Variants in EED observed in about 807,000 individuals in gnomAD.
The protein encoded by EED is polycomb protein EED.
Under a neutral mutation model 61.0 loss-of-function variants are expected in EED, and 9 were observed. The ratio of observed to expected loss-of-function variants is 0.15; its 90% CI spans 0.09 to 0.26. EED has a LOEUF of 0.26. Ranked by LOEUF, EED falls within the 10% of genes least tolerant of loss-of-function variation. EED has a pLI of 1.00. For missense variants in EED, 315 were observed against 542.3 expected (o/e 0.58, Z 4.16); for synonymous variants, 187 against 174.4 (o/e 1.07, Z -0.57).
chr11:86,264,666 GT>G (rs1286456784), intron 7 of EED: 2 of 154,878 alleles, frequency 1.3e-5, no homozygotes, highest in East Asian at 3.7e-4. Flanking sequence ...ATTTGGAAGT[GT>G]TTTATTGTGC....
chr11:86,280,745 C>T (rs889695755), downstream of EED, among the ~76,000 whole-genome samples: 1 of 152,168 alleles, frequency 6.6e-6, no homozygotes, highest in Non-Finnish European at 1.5e-5. Context: ...CTTTGTTCCT[C>T]ATCTTAAAGG....
intron 7 of EED, chr11:86,265,185 C>G (rs148701591): frequency 7.7e-4 from 117 of 152,244 alleles, no homozygotes; most frequent in African/African-American, 2.8e-3. Flanking sequence ...TTAGAAGTAC[C>G]ACAACTGTGA....
At chr11:86,265,041 T>A (rs1043819048) in intron 7 of EED, 1 of 152,224 alleles carries the variant, frequency 6.6e-6, no homozygotes, top group African/African-American at 2.4e-5. Flanking sequence ...TCAACTTGGA[T>A]TTCCTAAAAG....
At chr11:86,280,245 G>A (rs529280308), downstream of EED, among the ~76,000 whole-genome samples, 15 of 152,130 alleles carry the variant, frequency 9.9e-5, no homozygotes, top group South Asian at 2.9e-3. Context: ...TGTGTGCCAC[G>A]ATGCCCAGCT....
rs1045393304 is a variant in EED, at chr11:86,245,110, G to C, written c.-120G>C. ...GGGCGCGATTTGCGACAGTGGGGGG[G>C]GCGGTGGAGGTGGCGGCGGCAGCGG... On this transcript the variant is annotated 5_prime_UTR_variant, in exon 1 of 12. Coordinates refer to ENST00000263360, the MANE Select transcript of EED (RefSeq NM_003797.5). 1.0e-5 allele frequency: 7 copies of C among 694,160 alleles called. No individual in the cohort carries two copies. Among genetic ancestry groups the C allele is most frequent in the East Asian group, 3.2e-5 (1 of 31,660 alleles). 43.0% of individuals were successfully genotyped at this position (694,160 alleles called of 1,614,324 possible). A position where few individuals can be genotyped will look rare whatever the true frequency, so the allele number is the denominator to read the frequency against.
chr11:86,247,000 A>G lies in EED; in HGVS notation c.114+1657A>G, dbSNP rs141605690. Among the ~76,000 whole-genome samples, 349 of 152,358 alleles carry G rather than the reference A, an allele frequency of 2.3e-3. 2 individuals carry two copies. Among genetic ancestry groups the G allele is most frequent in the Non-Finnish European group, 3.7e-3 (250 of 68,032 alleles). On this transcript the variant is annotated intron_variant, in intron 1 of 11. Coordinates refer to ENST00000263360, the MANE Select transcript of EED (RefSeq NM_003797.5). ...TTATTTATTTATAATAATTACTACT[A>G]CTAATTTTATGATTACATAGAATAA...
At chr11:86,282,798 A>G (rs1946338407), downstream of EED, among the ~76,000 whole-genome samples, 1 of 152,176 alleles carries the variant, frequency 6.6e-6, no homozygotes, top group Non-Finnish European at 1.5e-5. Context: ...GCCGTAGACA[A>G]CTGGGTATGG....
At position 86,245,016 on chromosome 11, in the gene EED, G is replaced by GGAGGGCGCGCGCGCGC. The variant is rs1945348710; in HGVS notation, c.-212_-197dup. 1 of 472,126 alleles carries GGAGGGCGCGCGCGCGC rather than the reference G, an allele frequency of 2.1e-6. No homozygotes were observed. The highest frequency in any genetic ancestry group is 3.8e-6 in the Non-Finnish European group (1 of 266,254). The allele number at this position is 472,126 out of a possible 1,614,324, so 29.2% of individuals were successfully genotyped here. ...AGGGAAGGAGCCAGGAAGCCGCGCG[G>GGAGGGCGCGCGCGCGC]GAGGGCGCGCGCGCGCGCCCCTTTT... On this transcript the variant is annotated 5_prime_UTR_variant, in exon 1 of 12. Coordinates refer to ENST00000263360, the MANE Select transcript of EED (RefSeq NM_003797.5).
chr11:86,254,047 T>G (rs201972268), intron 3 of EED, among the ~76,000 whole-genome samples: 2 of 12,904 alleles, frequency 1.5e-4, no homozygotes, highest in East Asian at 5.2e-3. Flanking sequence ...AAACTCTGTC[T>G]CAAAAAAAAA....
At chr11:86,249,337 C>T (rs1469185041) in intron 1 of EED, among the ~76,000 whole-genome samples, 2 of 150,696 alleles carry the variant, frequency 1.3e-5, no homozygotes, top group African/African-American at 4.9e-5. Flanking sequence ...TTAAAAATAG[C>T]CCCTAAAGCA....
At chr11:86,267,604 C>G (rs1478159738) in intron 8 of EED, among the ~76,000 whole-genome samples, 1 of 151,730 alleles carries the variant, frequency 6.6e-6, no homozygotes, top group Admixed American at 6.6e-5. Context: ...TTATTTTGTT[C>G]TATTTGTTTT....
At chr11:86,263,165 T>G (rs952893297) in intron 6 of EED, among the ~76,000 whole-genome samples, 30 of 152,348 alleles carry the variant, frequency 2.0e-4, no homozygotes, top group African/African-American at 5.3e-4. Flanking sequence ...GAGACCTCAC[T>G]GAATGAGACC....
intron 3 of EED, among the ~76,000 whole-genome samples, chr11:86,252,601 T>A (rs528928238): frequency 6.6e-6 from 1 of 152,246 alleles, no homozygotes; most frequent in African/African-American, 2.4e-5. Context: ...GTGATTTTTT[T>A]AAAATTAAGG....
chr11:86,275,226 G>A (rs770507433), intron 9 of EED, among the ~76,000 whole-genome samples: 3 of 152,142 alleles, frequency 2.0e-5, no homozygotes, highest in Middle Eastern at 3.4e-3. Flanking sequence ...ATGATACTCC[G>A]ACTTTTAAGT....
chr11:86,267,692 G>A (rs10898462), intron 8 of EED, among the ~76,000 whole-genome samples: 3 of 151,252 alleles, frequency 2.0e-5, no homozygotes, highest in Admixed American at 1.3e-4. Context: ...CCTCTGCCTC[G>A]CAGGTTCAAG....
chr11:86,252,611 G>T (rs1052402377), intron 3 of EED, among the ~76,000 whole-genome samples: 1 of 151,302 alleles, frequency 6.6e-6, no homozygotes, highest in East Asian at 1.9e-4. Flanking sequence ...TAAAATTAAG[G>T]TAATGAATGG....
At chr11:86,281,627 T>C (rs1660477375), downstream of EED, among the ~76,000 whole-genome samples, 1 of 152,184 alleles carries the variant, frequency 6.6e-6, no homozygotes, top group Admixed American at 6.5e-5. Flanking sequence ...TCCATTTTCA[T>C]TTGTCTCAAG....
downstream of EED, among the ~76,000 whole-genome samples, chr11:86,282,692 G>T (rs192397827): frequency 6.6e-6 from 1 of 152,208 alleles, no homozygotes; most frequent in African/African-American, 2.4e-5. Context: ...GCAGATCAGG[G>T]TGTTTTTTCT....
In EED at chr11:86,256,631, T is replaced by C. The variant is rs1359441011; in HGVS notation, c.552+119T>C. ...TAACATTTCTCATTTGATTTGTACTTTTCTTACTGCTCTCTTTGGATGAGT... is the reference window on the plus strand; with the variant it reads ...TAACATTTCTCATTTGATTTGTACTCTTCTTACTGCTCTCTTTGGATGAGT... On this transcript the variant is annotated intron_variant, in intron 5 of 11. Transcript: ENST00000263360. The C allele has an allele frequency of 3.8e-6, 4 of 1,040,220 alleles. No homozygotes were observed. In the Admixed American group the frequency reaches 1.0e-4, roughly 27 times the overall value. 64.4% of individuals were successfully genotyped at this position (1,040,220 alleles called of 1,614,324 possible). A position where few individuals can be genotyped will look rare whatever the true frequency, so the allele number is the denominator to read the frequency against.
Sources: allele counts gnomAD v4.1 joint callset (sites outside exome capture counted in the v4.1 genomes callset), GRCh38; gene constraint gnomAD v4.1.1; transcripts MANE v1.5; gene names NCBI Gene and HGNC (gene_info 2026-07-23, HGNC 2026-07-21).